Variants in AMMECR1 observed in about 807,000 individuals in gnomAD.
The protein encoded by AMMECR1 is AMMECR nuclear protein 1.
In AMMECR1, 3 loss-of-function variants were observed where a neutral mutation model predicts 22.5. The observed-to-expected ratio is 0.13, with a 90% CI of 0.06 to 0.35. The LOEUF (loss-of-function observed/expected upper bound fraction) is 0.35, where lower values mean the gene tolerates loss of function less well. Among genes scored for constraint, AMMECR1 ranks in the 10% least tolerant of loss-of-function variants. The pLI is 1.00. For synonymous variants in AMMECR1, 130 were observed against 116.7 expected (o/e 1.11, Z -0.74); for missense variants, 235 against 278.7 (o/e 0.84, Z 1.12).
At chrX:110,287,390 C>G in intron 1 of AMMECR1, among the ~76,000 whole-genome samples, 1 of 112,106 alleles carries the variant, frequency 8.9e-6, no homozygotes, top group Non-Finnish European at 1.9e-5. Flanking sequence ...CTGGAAAACA[C>G]AGACCACCTT....
chrX:110,213,485 A>C (rs2067457444), intron 3 of AMMECR1, among the ~76,000 whole-genome samples: 1 of 112,310 alleles, frequency 8.9e-6, no homozygotes, highest in Admixed American at 9.4e-5. Context: ...AATATAACAT[A>C]TTCTATTTAT....
chrX:110,412,824 A>G (rs940899003), intron 2 of AMMECR1, among the ~76,000 whole-genome samples: 1 of 112,498 alleles, frequency 8.9e-6, no homozygotes, highest in African/African-American at 3.2e-5. Context: ...AGGGTATTAT[A>G]TGTTACACAT....
chrX:110,295,070 AT>A (rs1328316001), intron 1 of AMMECR1, among the ~76,000 whole-genome samples: 1 of 111,179 alleles, frequency 9.0e-6, no homozygotes, highest in African/African-American at 3.3e-5. Context: ...TGCCATAATT[AT>A]TTCAGAAAAC....
At chrX:110,394,194 T>G (rs2068513491) in intron 2 of AMMECR1, among the ~76,000 whole-genome samples, 1 of 112,982 alleles carries the variant, frequency 8.9e-6, no homozygotes, top group South Asian at 3.7e-4. Context: ...TTGTTAATGT[T>G]TAATTAACTT....
intron 2 of AMMECR1, among the ~76,000 whole-genome samples, chrX:110,244,837 T>C (rs1434631864): frequency 1.8e-5 from 2 of 112,485 alleles, no homozygotes; most frequent in Non-Finnish European, 3.8e-5. Flanking sequence ...TTATAATTGC[T>C]ACATATTTAG....
Position 110,219,297 on chromosome X carries a change from A to G in AMMECR1, c.585-2665T>C, listed in dbSNP as rs150274991. ...TTCCAGTTTCTCCACATCCACACCA[A>G]TATTTGTTGTTGTTTGACCTTTTGA... On this transcript the variant is annotated intron_variant, in intron 2 of 5. Coordinates refer to ENST00000262844, the MANE Select transcript of AMMECR1 (RefSeq NM_015365.3). The G allele has an allele frequency of 7.9e-4, 543 of 688,783 alleles. 4 individuals are homozygous for G. In the African/African-American group the frequency reaches 0.012, roughly 16 times the overall value. The allele number at this position is 688,783 out of a possible 1,213,427, so 56.8% of individuals were successfully genotyped here.
At chrX:110,301,789 G>C (rs2067968267) in intron 1 of AMMECR1, among the ~76,000 whole-genome samples, 1 of 111,440 alleles carries the variant, frequency 9.0e-6, no homozygotes, top group Non-Finnish European at 1.9e-5. Flanking sequence ...ACAAATCTTT[G>C]CATGAAATTT....
chrX:110,362,694 C>A (rs1349695925), intron 2 of AMMECR1, among the ~76,000 whole-genome samples: 5 of 111,957 alleles, frequency 4.5e-5, no homozygotes, highest in Admixed American at 1.9e-4. Context: ...CCAGTTCTTA[C>A]TGACTGTTCT....
At chrX:110,352,253 C>G (rs1280365201) in intron 2 of AMMECR1, among the ~76,000 whole-genome samples, 1 of 111,796 alleles carries the variant, frequency 8.9e-6, no homozygotes, top group Non-Finnish European at 1.9e-5. Flanking sequence ...CATGTTCACA[C>G]AAAAACTTGG....
chrX:110,347,771 T>C (rs1375312153), intron 2 of AMMECR1, among the ~76,000 whole-genome samples: 1 of 112,437 alleles, frequency 8.9e-6, no homozygotes, highest in Non-Finnish European at 1.9e-5. Context: ...TACTTTCTAA[T>C]TGCTAAGTGC....
At chrX:110,232,417 C>T (rs1378009444) in intron 2 of AMMECR1, among the ~76,000 whole-genome samples, 3 of 112,000 alleles carry the variant, frequency 2.7e-5, no homozygotes, top group Non-Finnish European at 5.6e-5. Flanking sequence ...TGAATGACTA[C>T]TGGGTAAATA....
At chrX:110,339,668 G>A (rs903089716) in intron 2 of AMMECR1, among the ~76,000 whole-genome samples, 1 of 109,334 alleles carries the variant, frequency 9.1e-6, no homozygotes, top group Non-Finnish European at 1.9e-5. Context: ...GGCTAATTTT[G>A]TATTTTTAAT....
chrX:110,427,703 G>A (rs938652854), intron 1 of AMMECR1, among the ~76,000 whole-genome samples: 2 of 112,329 alleles, frequency 1.8e-5, no homozygotes, highest in Middle Eastern at 4.6e-3. Flanking sequence ...TCTATAGGAT[G>A]AAGTCCAAAC....
intron 2 of AMMECR1, among the ~76,000 whole-genome samples, chrX:110,245,082 C>A (rs777763759): frequency 8.9e-6 from 1 of 111,920 alleles, no homozygotes; most frequent in South Asian, 3.7e-4. Flanking sequence ...TTAATGAAAA[C>A]CAGCTAGGAG....
rs1475431701 is a variant in AMMECR1, at chrX:110,195,888, T to C, written c.*2632A>G. ...ACACCCTTTACACTACAAAGTCTTT[T>C]AGTCAAAAGCTACTTAGAGACAAAA... On this transcript the variant is annotated 3_prime_UTR_variant, in exon 6 of 6. Transcript: ENST00000262844. The C allele has an allele frequency of 5.3e-5, 6 of 112,181 alleles. No homozygotes were observed. The highest frequency in any genetic ancestry group is 7.5e-5 in the Non-Finnish European group (4 of 53,249). The allele number at this position is 112,181 out of a possible 1,213,427, so 9.2% of individuals were successfully genotyped here.
At chrX:110,330,068 C>T (rs755253844) in intron 2 of AMMECR1, among the ~76,000 whole-genome samples, 28 of 111,546 alleles carry the variant, frequency 2.5e-4, no homozygotes, top group Non-Finnish European at 4.7e-4. Flanking sequence ...TTATGATTTT[C>T]AGCCTCAGCT....
At chrX:110,358,425 A>G (rs1569413939) in intron 2 of AMMECR1, among the ~76,000 whole-genome samples, 1 of 111,231 alleles carries the variant, frequency 9.0e-6, no homozygotes, top group East Asian at 2.8e-4. Flanking sequence ...ACACTTTCTG[A>G]GTGCTTACCA....
chrX:110,316,904 G>GA lies in AMMECR1; in HGVS notation c.473+694dup, dbSNP rs372150467. On this transcript the variant is annotated intron_variant, in intron 1 of 5. Coordinates refer to ENST00000262844, the MANE Select transcript of AMMECR1 (RefSeq NM_015365.3). ...GAGCTATTATCCAGACGGTGGAATG[G>GA]AAAAAAAAAAAAAAAAGGTCGCACT... Among the ~76,000 whole-genome samples the GA allele has an allele frequency of 3.9e-3, 329 of 83,580 alleles. 2 individuals carry two copies. Among genetic ancestry groups the GA allele is most frequent in the African/African-American group, 8.7e-3 (201 of 23,019 alleles). The allele number at this position is 83,580 out of a possible 115,157, so 72.6% of individuals were successfully genotyped here. A position where few individuals can be genotyped will look rare whatever the true frequency, so the allele number is the denominator to read the frequency against.
intron 2 of AMMECR1, among the ~76,000 whole-genome samples, chrX:110,370,646 C>T (rs2068331925): frequency 8.9e-6 from 1 of 112,299 alleles, no homozygotes; most frequent in African/African-American, 3.2e-5. Context: ...GTAGGCTTTC[C>T]CTACATGCTG....
Sources: gnomAD v4.1 joint callset for allele counts (sites outside exome capture counted in the v4.1 genomes callset) on GRCh38, gnomAD v4.1.1 for gene constraint, MANE v1.5 for transcripts, NCBI Gene and HGNC (gene_info 2026-07-23, HGNC 2026-07-21) for gene names.